Variants in PTPRD observed in about 807,000 individuals in gnomAD.
PTPRD encodes protein tyrosine phosphatase receptor type D.
Under a neutral mutation model 214.5 loss-of-function variants are expected in PTPRD, and 34 were observed. That is an observed-to-expected ratio of 0.16 (90% CI 0.12 to 0.21). PTPRD has a LOEUF of 0.21. Ranked by LOEUF, PTPRD falls within the 10% of genes least tolerant of loss-of-function variation. PTPRD has a pLI of 1.00. For synonymous variants in PTPRD, 1,128 were observed against 845.7 expected (o/e 1.33, Z -5.79); for missense variants, 2,545 against 2,398.7 (o/e 1.06, Z -1.27).
At chr9:8,720,505 A>T (rs2154417897) in intron 12 of PTPRD, among the ~76,000 whole-genome samples, 1 of 152,298 alleles carries the variant, frequency 6.6e-6, no homozygotes, top group African/African-American at 2.4e-5. Context: ...AATTTACCAC[A>T]CCATGATGAT....
chr9:10,502,472 T>C (rs1385840272), intron 2 of PTPRD, among the ~76,000 whole-genome samples: 1 of 151,978 alleles, frequency 6.6e-6, no homozygotes, highest in Non-Finnish European at 1.5e-5. Context: ...CACAATAAGG[T>C]AAAAAAGTTG....
intron 5 of PTPRD, among the ~76,000 whole-genome samples, chr9:9,929,415 A>C (rs943679382): frequency 1.3e-5 from 2 of 152,116 alleles, no homozygotes; most frequent in Non-Finnish European, 2.9e-5. Context: ...TTTTTGAGAC[A>C]GAGTCTCACT....
intron 7 of PTPRD, among the ~76,000 whole-genome samples, chr9:9,601,140 TG>T (rs2093722356): frequency 4.6e-4 from 56 of 120,438 alleles, no homozygotes; most frequent in Middle Eastern, 4.0e-3. Context: ...TGTGTGTGTG[TG>T]TGTGTGTGTA....
At chr9:8,479,582 T>A (rs552427350) in intron 30 of PTPRD, among the ~76,000 whole-genome samples, 1 of 152,234 alleles carries the variant, frequency 6.6e-6, no homozygotes, top group Admixed American at 6.5e-5. Context: ...GTAGAAAACA[T>A]TCTGCAATAT....
intron 11 of PTPRD, among the ~76,000 whole-genome samples, chr9:8,926,600 G>A (rs1039351331): frequency 6.6e-6 from 1 of 152,102 alleles, no homozygotes; most frequent in Non-Finnish European, 1.5e-5. Flanking sequence ...TGGAAAGGCT[G>A]GGACTGTATG....
chr9:8,839,681 T>C (rs1425278067), intron 11 of PTPRD, among the ~76,000 whole-genome samples: 2 of 152,182 alleles, frequency 1.3e-5, no homozygotes, highest in Non-Finnish European at 1.5e-5. Flanking sequence ...AGCATACTTC[T>C]ACATAACAAC....
chr9:9,428,254 T>C (rs2081762445), intron 8 of PTPRD, among the ~76,000 whole-genome samples: 2 of 151,036 alleles, frequency 1.3e-5, no homozygotes, highest in Non-Finnish European at 3.0e-5. Context: ...AAAGCAGGGA[T>C]TGCAATCCTA....
At chr9:8,380,943 A>T (rs565540681) in intron 37 of PTPRD, among the ~76,000 whole-genome samples, 1 of 152,316 alleles carries the variant, frequency 6.6e-6, no homozygotes, top group East Asian at 1.9e-4. Flanking sequence ...AGACTTACTG[A>T]GCATGGCAAC....
intron 10 of PTPRD, among the ~76,000 whole-genome samples, chr9:9,084,930 A>G (rs2099764813): frequency 6.6e-6 from 1 of 152,200 alleles, no homozygotes; most frequent in Non-Finnish European, 1.5e-5. Context: ...TATAAAATGA[A>G]GAAAACTTTT....
intron 3 of PTPRD, among the ~76,000 whole-genome samples, chr9:10,078,439 C>T (rs1348654278): frequency 1.3e-5 from 2 of 149,708 alleles, no homozygotes; most frequent in African/African-American, 4.9e-5. Context: ...TTGCTTGAAC[C>T]TGGGAGGTGG....
intron 7 of PTPRD, among the ~76,000 whole-genome samples, chr9:9,682,803 C>T (rs149778899): frequency 1.3e-5 from 2 of 151,866 alleles, no homozygotes; most frequent in East Asian, 3.9e-4. Flanking sequence ...CGTGACTGTT[C>T]AGTCCAAATA....
intron 6 of PTPRD, among the ~76,000 whole-genome samples, chr9:9,754,902 G>A (rs2821522): frequency 0.11 from 17,425 of 151,976 alleles, 1,614 homozygotes; most frequent in African/African-American, 0.25. Context: ...AGAAAATGAT[G>A]GAGGAAATTA....
At chr9:8,753,179 T>C (rs989557253) in intron 11 of PTPRD, among the ~76,000 whole-genome samples, 4 of 152,186 alleles carry the variant, frequency 2.6e-5, no homozygotes, top group African/African-American at 9.7e-5. Context: ...GGCCCCTTTT[T>C]CCGATTATAA....
intron 18 of PTPRD, 41 bp from the exon 19 acceptor site, chr9:8,523,565 G>C (rs1233231388): frequency 6.2e-7 from 1 of 1,610,176 alleles, no homozygotes; most frequent in South Asian, 1.1e-5. Context: ...ACAATGAAAT[G>C]AGGAAAGGAG....
chr9:10,542,703 CT>C (rs1459451613), intron 2 of PTPRD, among the ~76,000 whole-genome samples: 1 of 151,730 alleles, frequency 6.6e-6, no homozygotes, highest in African/African-American at 2.4e-5. Flanking sequence ...GATTTTCTTC[CT>C]TTTTTTAATT....
intron 2 of PTPRD, among the ~76,000 whole-genome samples, chr9:10,503,200 A>AAAC (rs1304085243): frequency 4.1e-5 from 5 of 122,138 alleles, no homozygotes; most frequent in Middle Eastern, 3.8e-3. Context: ...ATACAAAAAA[A>AAAC]AAAAAAACAA....
intron 14 of PTPRD, among the ~76,000 whole-genome samples, chr9:8,608,952 C>T (rs1019655920): frequency 6.6e-6 from 1 of 152,086 alleles, no homozygotes; most frequent in Non-Finnish European, 1.5e-5. Context: ...GACAGGACTT[C>T]GCAAAGAAGC....
chr9:9,574,258 G>A (rs1390278727), intron 8 of PTPRD, among the ~76,000 whole-genome samples: 1 of 151,818 alleles, frequency 6.6e-6, no homozygotes. Flanking sequence ...GAAGTCACTT[G>A]TTATTTATTA....
intron 11 of PTPRD, among the ~76,000 whole-genome samples, chr9:8,802,104 T>A (rs1404125195): frequency 6.6e-6 from 1 of 152,206 alleles, no homozygotes. Context: ...TCTCTTAATA[T>A]ACTCTTTAAA....
Sources: allele counts gnomAD v4.1 joint callset (sites outside exome capture counted in the v4.1 genomes callset), GRCh38; gene constraint gnomAD v4.1.1; transcripts MANE v1.5; gene names NCBI Gene and HGNC (gene_info 2026-07-23, HGNC 2026-07-21).